SLC41A2: variants seen among roughly 807,000 people sequenced by gnomAD.
SLC41A2 encodes solute carrier family 41 member 2, also known as SLC41A1-like 1.
In SLC41A2, 32 loss-of-function variants were observed where a neutral mutation model predicts 58.3. That is an observed-to-expected ratio of 0.55 (90% CI 0.41 to 0.74). SLC41A2 has a LOEUF of 0.74. Among genes scored for constraint, SLC41A2 ranks in the 30% least tolerant of loss-of-function variants. The pLI, the probability that SLC41A2 is intolerant of heterozygous loss-of-function variation, is 0.00. For synonymous variants in SLC41A2, 190 were observed against 235.0 expected (o/e 0.81, Z 1.75); for missense variants, 514 against 680.6 (o/e 0.76, Z 2.72).
intron 6 of SLC41A2, among the ~76,000 whole-genome samples, chr12:104,871,301 T>C (rs2043761187): frequency 6.6e-6 from 1 of 152,190 alleles, no homozygotes; most frequent in Admixed American, 6.5e-5. Flanking sequence ...TTTTAAATCT[T>C]CTTGGAACTT....
intron 7 of SLC41A2, among the ~76,000 whole-genome samples, chr12:104,864,702 A>C (rs2043349888): frequency 6.6e-6 from 1 of 151,910 alleles, no homozygotes; most frequent in Non-Finnish European, 1.5e-5. Flanking sequence ...CCTCTACTTT[A>C]TATTCCAACT....
chr12:104,873,800 ATACT>A (rs1259916804), intron 6 of SLC41A2, among the ~76,000 whole-genome samples: 1 of 152,120 alleles, frequency 6.6e-6, no homozygotes, highest in East Asian at 1.9e-4. Context: ...ACCTTTTCAT[ATACT>A]TGTTCGTCAT....
intron 6 of SLC41A2, among the ~76,000 whole-genome samples, chr12:104,872,599 G>A (rs867070065): frequency 2.0e-5 from 3 of 152,240 alleles, no homozygotes; most frequent in Middle Eastern, 6.8e-3. Context: ...CAGGTGTGGT[G>A]GTAGGTGCCT....
At chr12:104,924,303 T>G (rs1284162764) in intron 2 of SLC41A2, among the ~76,000 whole-genome samples, 1 of 152,214 alleles carries the variant, frequency 6.6e-6, no homozygotes. Context: ...TGAGATCTCT[T>G]GTACTCTGCT....
At chr12:104,881,276 T>G (rs2044356236) in intron 6 of SLC41A2, among the ~76,000 whole-genome samples, 2 of 152,220 alleles carry the variant, frequency 1.3e-5, no homozygotes, top group African/African-American at 2.4e-5. Context: ...GCTCCTGGAT[T>G]CATTGATTTT....
chr12:104,853,432 T>C (rs758434284), intron 8 of SLC41A2, among the ~76,000 whole-genome samples: 5 of 152,114 alleles, frequency 3.3e-5, no homozygotes, highest in Non-Finnish European at 5.9e-5. Flanking sequence ...TTACCAGAAC[T>C]CACATGCAGA....
chr12:104,915,512 T>C (rs1478467848), intron 2 of SLC41A2, among the ~76,000 whole-genome samples: 2 of 152,184 alleles, frequency 1.3e-5, no homozygotes, highest in African/African-American at 4.8e-5. Flanking sequence ...TTCCTAGGTA[T>C]TTTATTCTCT....
intron 6 of SLC41A2, among the ~76,000 whole-genome samples, chr12:104,879,252 T>A (rs2044231921): frequency 6.6e-6 from 1 of 152,244 alleles, no homozygotes; most frequent in Non-Finnish European, 1.5e-5. Context: ...TCTCCCATTC[T>A]ATAGGTTACC....
At chr12:104,956,566 C>A (rs1414263383) in intron 1 of SLC41A2, among the ~76,000 whole-genome samples, 1 of 152,090 alleles carries the variant, frequency 6.6e-6, no homozygotes, top group Non-Finnish European at 1.5e-5. Flanking sequence ...GTAGTCCCAG[C>A]TACTTGGGAG....
chr12:104,875,783 AC>A (rs1225381390), intron 6 of SLC41A2, among the ~76,000 whole-genome samples: 3 of 151,966 alleles, frequency 2.0e-5, no homozygotes, highest in African/African-American at 7.3e-5. Flanking sequence ...ACAGAGCAAG[AC>A]CCCCATCTCT....
intron 6 of SLC41A2, 116 bp downstream of exon 6, chr12:104,886,177 C>T: frequency 9.5e-7 from 1 of 1,053,204 alleles, no homozygotes. Context: ...CCTAATCAGT[C>T]TCAACAGCAG....
At chr12:104,853,572 G>A (rs936942159) in intron 8 of SLC41A2, among the ~76,000 whole-genome samples, 1 of 152,138 alleles carries the variant, frequency 6.6e-6, no homozygotes, top group East Asian at 1.9e-4. Context: ...ACAAGGGTAG[G>A]CATATTTACC....
chr12:104,890,573 G>C (rs547033078), intron 4 of SLC41A2, among the ~76,000 whole-genome samples: 1 of 152,158 alleles, frequency 6.6e-6, no homozygotes, highest in Non-Finnish European at 1.5e-5. Flanking sequence ...GCACACAGCT[G>C]AGATGAGGAA....
intron 2 of SLC41A2, among the ~76,000 whole-genome samples, chr12:104,916,744 A>G (rs2046340386): frequency 1.3e-5 from 2 of 152,236 alleles, no homozygotes; most frequent in African/African-American, 4.8e-5. Context: ...TATTTAATAA[A>G]TGGTGCTGGG....
chr12:104,818,727 A>G (rs1447693138), intron 10 of SLC41A2, among the ~76,000 whole-genome samples: 1 of 152,096 alleles, frequency 6.6e-6, no homozygotes, highest in Non-Finnish European at 1.5e-5. Flanking sequence ...AAATACAAAA[A>G]TTAGCTGGGC....
In SLC41A2 at chr12:104,857,244, T is replaced by C. The variant is rs556937953; in HGVS notation, c.1255+4047A>G. 3.3e-5 allele frequency among the ~76,000 whole-genome samples: 5 copies of C among 152,298 alleles called. No individual in the cohort carries two copies. In the East Asian group the frequency reaches 9.6e-4, roughly 29 times the overall value. ...AGCTCTAAATCAATGGTTCTCAAAG[T>C]GTGGTCTAGGGGGTCTGAGGAAGGT... On this transcript the variant is annotated intron_variant, in intron 8 of 10. Coordinates refer to ENST00000258538, the MANE Select transcript of SLC41A2 (RefSeq NM_001352171.3).
intron 10 of SLC41A2, among the ~76,000 whole-genome samples, chr12:104,822,189 A>G (rs1299313790): frequency 6.6e-6 from 1 of 152,262 alleles, no homozygotes; most frequent in Non-Finnish European, 1.5e-5. Flanking sequence ...AAATGAACAC[A>G]TTGATTTTCT....
At chr12:104,808,690 C>G (rs2041036572) in intron 10 of SLC41A2, among the ~76,000 whole-genome samples, 1 of 152,126 alleles carries the variant, frequency 6.6e-6, no homozygotes, top group Non-Finnish European at 1.5e-5. Context: ...GTGAATCCAT[C>G]TGGTCCTGGA....
At chr12:104,828,272 C>T (rs771446873) in intron 10 of SLC41A2, among the ~76,000 whole-genome samples, 6 of 152,116 alleles carry the variant, frequency 3.9e-5, no homozygotes, top group African/African-American at 4.8e-5. Flanking sequence ...GCTGAGTGGC[C>T]GGCTCCAGTG....
Sources: allele counts gnomAD v4.1 joint callset (sites outside exome capture counted in the v4.1 genomes callset), GRCh38; gene constraint gnomAD v4.1.1; transcripts MANE v1.5; gene names NCBI Gene and HGNC (gene_info 2026-07-23, HGNC 2026-07-21).